The following SPTBN1 variants were observed in gnomAD, a reference collection of about 807,000 sequenced individuals.
SPTBN1 encodes the protein spectrin beta, non-erythrocytic 1.
In SPTBN1, 32 loss-of-function variants were observed where a neutral mutation model predicts 266.4. The observed-to-expected ratio is 0.12, with a 90% CI of 0.09 to 0.16. The LOEUF (loss-of-function observed/expected upper bound fraction) is 0.16, where lower values mean the gene tolerates loss of function less well. SPTBN1 is among the 10% of genes least tolerant of loss of function. The pLI is 1.00. For missense variants in SPTBN1, 2,296 were observed against 3,067.1 expected, an observed-to-expected ratio of 0.75 and a Z score of 5.94; for synonymous variants, 1,336 against 1,162.2, an observed-to-expected ratio of 1.15 and a Z score of -3.04.
intron 1 of SPTBN1, among the ~76,000 whole-genome samples, chr2:54,473,364 G>A (rs1339635467): frequency 6.6e-6 from 1 of 152,162 alleles, no homozygotes; most frequent in Non-Finnish European, 1.5e-5. Context: ...TAGATGTATT[G>A]ATCTTTTCAC....
chr2:54,592,164 T>A (rs929557837), intron 2 of SPTBN1, among the ~76,000 whole-genome samples: 11 of 152,198 alleles, frequency 7.2e-5, no homozygotes, highest in Non-Finnish European at 4.4e-5. Flanking sequence ...CCTTCTCTAA[T>A]ATATTCATTG....
rs552467038 is a variant in SPTBN1, at chr2:54,576,760, C to G, written c.149-22332C>G. On this transcript the variant is annotated intron_variant, in intron 2 of 35. Coordinates refer to ENST00000356805, the MANE Select transcript of SPTBN1 (RefSeq NM_003128.3). ...AGCAAGTGGGTGTCAAGGTGAGCAG[C>G]TTACAGTGCTGAGCACACTGGAAAC... Among the ~76,000 whole-genome samples, 11 of 152,336 alleles carry G rather than the reference C, an allele frequency of 7.2e-5. No homozygotes were observed. In the South Asian group the frequency reaches 2.3e-3, roughly 32 times the overall value.
At chr2:54,479,619 C>T (rs762330320) in intron 1 of SPTBN1, among the ~76,000 whole-genome samples, 5 of 152,126 alleles carry the variant, frequency 3.3e-5, no homozygotes, top group South Asian at 2.1e-4. Flanking sequence ...CTAGTCTTAA[C>T]GAAGTTACCT....
intron 4 of SPTBN1, among the ~76,000 whole-genome samples, chr2:54,613,980 A>G (rs555944400): frequency 2.0e-5 from 3 of 152,348 alleles, no homozygotes; most frequent in Admixed American, 2.0e-4. Flanking sequence ...GAGCTGGCAC[A>G]CACAGCCCTT....
Position 54,506,046 on chromosome 2 carries a change from C to T in SPTBN1, c.-47-20326C>T, listed in dbSNP as rs1248367429. 2.0e-5 allele frequency among the ~76,000 whole-genome samples: 3 copies of T among 152,160 alleles called. No individual in the cohort carries two copies. The East Asian group carries it at 5.8e-4, about 29-fold the overall frequency. ...GGTTGAGGCAGGAGAATGGCGTCAA[C>T]CCGGGAGGTGGAGCTTGCAGTGAGC... On this transcript the variant is annotated intron_variant, in intron 1 of 35. Coordinates refer to ENST00000356805, the MANE Select transcript of SPTBN1 (RefSeq NM_003128.3).
rs1050827348 is a variant in SPTBN1 at position 54,670,093 on chromosome 2, A to C, written c.*1524A>C. The C allele has an allele frequency of 6.6e-6, 1 of 152,296 alleles. No individual in the cohort carries two copies. Among genetic ancestry groups the C allele is most frequent in the Admixed American group, 6.5e-5 (1 of 15,300 alleles). The allele number at this position is 152,296 out of a possible 1,614,324, so 9.4% of individuals were successfully genotyped here. A position where few individuals can be genotyped will look rare whatever the true frequency, so the allele number is the denominator to read the frequency against. ...CTGGGCATGGCTGTGTTCCAGTAAA[A>C]CTATTTAAGGACATAAATTTGAATT... On this transcript the variant is annotated 3_prime_UTR_variant, in exon 36 of 36. Transcript: ENST00000356805.
chr2:54,665,074 A>G (rs1175850309), intron 33 of SPTBN1, among the ~76,000 whole-genome samples: 2 of 152,172 alleles, frequency 1.3e-5, no homozygotes, highest in Non-Finnish European at 2.9e-5. Context: ...GCCTTTATAT[A>G]TATTCATTGT....
At chr2:54,589,201 G>A (rs1332893862) in intron 2 of SPTBN1, among the ~76,000 whole-genome samples, 4 of 152,088 alleles carry the variant, frequency 2.6e-5, no homozygotes, top group South Asian at 4.1e-4. Flanking sequence ...TCTTATTTTC[G>A]GAGAAAGCCC....
chr2:54,616,668 G>C (rs1398109963), intron 5 of SPTBN1, among the ~76,000 whole-genome samples: 1 of 152,194 alleles, frequency 6.6e-6, no homozygotes, highest in Non-Finnish European at 1.5e-5. Flanking sequence ...TCTTTGCACA[G>C]TAAACAACAG....
intron 34 of SPTBN1, among the ~76,000 whole-genome samples, chr2:54,666,593 T>C (rs149940128): frequency 5.4e-4 from 83 of 152,348 alleles, no homozygotes; most frequent in African/African-American, 2.0e-3. Context: ...GCTCCAGCTG[T>C]CTCAGAACCA....
rs780197198 is a variant in SPTBN1 at position 54,668,452 on chromosome 2, G to A, written c.6978G>A (p.Ala2326=). ...AGAGCACGCCAGCATCCAGCCGCGC[G>A]CAGACCCTCCCCACCAGCGTCGTCA... The part of the protein sequence containing the change: ...STQSTPASSR[A]QTLPTSVVTI... The change falls in exon 36 of 36, where the codon GCG becomes GCA. Residue 2326 remains alanine (A), a synonymous_variant. Transcript: ENST00000356805. 115 of 1,614,054 alleles carry A rather than the reference G, an allele frequency of 7.1e-5. No homozygotes were observed. Among genetic ancestry groups the A allele is most frequent in the Middle Eastern group, 1.6e-4 (1 of 6,084 alleles).
At chr2:54,522,223 C>T (rs947833414) in intron 1 of SPTBN1, among the ~76,000 whole-genome samples, 3 of 152,110 alleles carry the variant, frequency 2.0e-5, no homozygotes, top group African/African-American at 7.2e-5. Flanking sequence ...TTTTAAGGAA[C>T]AATAGTAGTG....
At chr2:54,584,161 T>G (rs540345508) in intron 2 of SPTBN1, among the ~76,000 whole-genome samples, 43 of 152,332 alleles carry the variant, frequency 2.8e-4, no homozygotes, top group African/African-American at 9.4e-4. Context: ...GACTCTTGCA[T>G]TCAGTAATAT....
At chr2:54,567,519 G>A (rs1673746038) in intron 2 of SPTBN1, among the ~76,000 whole-genome samples, 1 of 151,734 alleles carries the variant, frequency 6.6e-6, no homozygotes, top group Non-Finnish European at 1.5e-5. Context: ...AATACTGGAG[G>A]ATTTTAAATA....
At chr2:54,489,164 A>C (rs13019389) in intron 1 of SPTBN1, among the ~76,000 whole-genome samples, 27,927 of 147,910 alleles carry the variant, frequency 0.19, 2,765 homozygotes, top group Middle Eastern at 0.22. Context: ...AAAAAAAAAA[A>C]AAAAAAAAAA....
chr2:54,625,699 T>C (rs572961131), intron 11 of SPTBN1, among the ~76,000 whole-genome samples: 2 of 152,276 alleles, frequency 1.3e-5, no homozygotes, highest in East Asian at 3.9e-4. Flanking sequence ...CAAGCGATTT[T>C]CCTGCCTTAG....
intron 1 of SPTBN1, among the ~76,000 whole-genome samples, chr2:54,523,121 CATT>C (rs1353659676): frequency 6.6e-6 from 1 of 152,156 alleles, no homozygotes; most frequent in African/African-American, 2.4e-5. Context: ...GATTGCATGA[CATT>C]ATTAATTTTC....
At chr2:54,660,107 G>A (rs1476743316) in intron 32 of SPTBN1, 108 bp downstream of exon 32, 2 of 1,605,056 alleles carry the variant, frequency 1.2e-6, no homozygotes, top group East Asian at 4.5e-5. Context: ...CATTTGTCAA[G>A]AATCACCCTT....
intron 1 of SPTBN1, among the ~76,000 whole-genome samples, chr2:54,472,961 A>G (rs1335952677): frequency 2.0e-5 from 3 of 152,240 alleles, no homozygotes; most frequent in African/African-American, 4.8e-5. Context: ...AAAAGATGAT[A>G]TTAACAGATA....
Sources: gnomAD v4.1 joint callset for allele counts (sites outside exome capture counted in the v4.1 genomes callset) on GRCh38, gnomAD v4.1.1 for gene constraint, MANE v1.5 for transcripts, NCBI Gene and HGNC (gene_info 2026-07-23, HGNC 2026-07-21) for gene names.